Variants in STRBP observed in about 807,000 individuals in gnomAD.
STRBP encodes the protein spermatid perinuclear RNA binding protein, also known as spermatid perinuclear RNA-binding protein.
In STRBP, 13 loss-of-function variants were observed where a neutral mutation model predicts 80.1. The observed-to-expected ratio is 0.16, with a 90% CI of 0.11 to 0.26. The LOEUF (loss-of-function observed/expected upper bound fraction) is 0.26, where lower values mean the gene tolerates loss of function less well. STRBP is among the 10% of genes least tolerant of loss of function. The probability of loss-of-function intolerance (pLI) is 1.00; values close to 1 mark genes in which losing one functional copy is unlikely to be tolerated. For synonymous variants in STRBP, 284 were observed against 291.2 expected (o/e 0.98, Z 0.25); for missense variants, 485 against 815.2 (o/e 0.59, Z 4.93).
In STRBP at chr9:123,115,152, C is replaced by T; in HGVS notation, c.*84+777G>A. 1 of 462,556 alleles carries T rather than the reference C, an allele frequency of 2.2e-6. No individual in the cohort carries two copies. The highest frequency in any genetic ancestry group is 4.5e-6 in the Non-Finnish European group (1 of 221,482). The allele number at this position is 462,556 out of a possible 1,614,324, so 28.7% of individuals were successfully genotyped here. On this transcript the variant is annotated intron_variant and NMD_transcript_variant, in intron 3 of 3. Transcript: ENST00000471564. This position sits in a 1 kb window ranked among gnomAD's most constrained non-coding sequence, Gnocchi z 5.0. ...CCACCTGCCACTTGACTCTGCTCATCCTCTCGGGTCCCACAGCAAGGCCCT... is the reference window on the plus strand; with the variant it reads ...CCACCTGCCACTTGACTCTGCTCATTCTCTCGGGTCCCACAGCAAGGCCCT...
intron 2 of STRBP, among the ~76,000 whole-genome samples, chr9:123,213,212 T>A (rs2039774204): frequency 6.6e-6 from 1 of 152,166 alleles, no homozygotes; most frequent in Non-Finnish European, 1.5e-5. Context: ...CTAATCAGCG[T>A]ACTGAAACTC....
chr9:123,259,713 A>C (rs2041119710), intron 1 of STRBP, among the ~76,000 whole-genome samples: 1 of 151,766 alleles, frequency 6.6e-6, no homozygotes, highest in Admixed American at 6.6e-5. Flanking sequence ...CTGTCTCACA[A>C]AACAACAACA....
chr9:123,230,625 A>T (rs979055099), intron 2 of STRBP, among the ~76,000 whole-genome samples: 1 of 152,138 alleles, frequency 6.6e-6, no homozygotes, highest in African/African-American at 2.4e-5. Context: ...CACCCAATTC[A>T]TTTACCAATC....
downstream of STRBP, among the ~76,000 whole-genome samples, chr9:123,117,442 G>A (rs1025437364): frequency 1.2e-4 from 19 of 152,092 alleles, no homozygotes; most frequent in Admixed American, 1.3e-4. Context: ...AATCCAACAC[G>A]CTCAACAGGG....
chr9:123,239,300 G>A (rs972207509), intron 1 of STRBP, among the ~76,000 whole-genome samples: 6 of 152,116 alleles, frequency 3.9e-5, no homozygotes, highest in East Asian at 1.9e-4. Context: ...GCGTGAACCC[G>A]GGAGGCAGAG....
intron 1 of STRBP, among the ~76,000 whole-genome samples, chr9:123,267,332 C>G (rs2041291028): frequency 6.6e-6 from 1 of 151,838 alleles, no homozygotes; most frequent in East Asian, 1.9e-4. Flanking sequence ...CTTTAAATGC[C>G]CCACACACCT....
intron 3 of STRBP, among the ~76,000 whole-genome samples, chr9:123,181,614 T>C (rs1292073655): frequency 1.3e-5 from 2 of 151,490 alleles, no homozygotes; most frequent in African/African-American, 4.9e-5. Flanking sequence ...CTGACCAACA[T>C]GAAGAAACCT....
chr9:123,248,628 A>G lies in STRBP; in HGVS notation c.-301-11662T>C, dbSNP rs544076859. 1.0e-3 allele frequency among the ~76,000 whole-genome samples: 159 copies of G among 152,278 alleles called. 6 individuals carry two copies. In the South Asian group the frequency reaches 0.032, roughly 31 times the overall value. On this transcript the variant is annotated intron_variant, in intron 1 of 18. Coordinates refer to ENST00000348403, the MANE Select transcript of STRBP (RefSeq NM_018387.5). The stretch of plus-strand genomic sequence containing the variant: ...AAAATACTGGAAACTATACAAACCT[A>G]TAAAAATAGGGTAACAATGTGAGAA...
chr9:123,268,225 G>A (rs1485403559), intron 1 of STRBP, among the ~76,000 whole-genome samples: 1 of 151,364 alleles, frequency 6.6e-6, no homozygotes, highest in Non-Finnish European at 1.5e-5. Flanking sequence ...CACCGCAGCG[G>A]CGGCGGCGGC....
At chr9:123,203,140 G>A (rs2039387200) in intron 2 of STRBP, among the ~76,000 whole-genome samples, 1 of 151,998 alleles carries the variant, frequency 6.6e-6, no homozygotes, top group Non-Finnish European at 1.5e-5. Context: ...GACTGCTTGA[G>A]GCCAGGAGTT....
intron 1 of STRBP, among the ~76,000 whole-genome samples, chr9:123,260,480 G>C (rs540655121): frequency 2.6e-4 from 39 of 152,314 alleles, no homozygotes; most frequent in African/African-American, 9.1e-4. Flanking sequence ...TTATGTTACA[G>C]ATAAGGAACC....
downstream of STRBP, among the ~76,000 whole-genome samples, chr9:123,118,415 C>T (rs1405721729): frequency 2.0e-5 from 3 of 152,236 alleles, no homozygotes; most frequent in Non-Finnish European, 4.4e-5. Context: ...CAAACAGTGG[C>T]TATCTTCACT....
At chr9:123,154,233 T>C (rs2037182404) in intron 11 of STRBP, among the ~76,000 whole-genome samples, 1 of 152,174 alleles carries the variant, frequency 6.6e-6, no homozygotes, top group Non-Finnish European at 1.5e-5. Context: ...TAAACTAGCA[T>C]ATTCATAGTG....
chr9:123,188,671 CA>C (rs1444773260), intron 2 of STRBP, among the ~76,000 whole-genome samples: 5 of 152,040 alleles, frequency 3.3e-5, no homozygotes, highest in African/African-American at 1.2e-4. Context: ...TCAAAACCAA[CA>C]AACAACTATG....
chr9:123,246,433 G>A (rs775320494), intron 1 of STRBP, among the ~76,000 whole-genome samples: 29 of 152,154 alleles, frequency 1.9e-4, no homozygotes, highest in Admixed American at 3.9e-4. Flanking sequence ...ATGTAGAGTC[G>A]CTCACATTTC....
At chr9:123,119,500 C>T (rs138800523), downstream of STRBP, among the ~76,000 whole-genome samples, 52 of 151,682 alleles carry the variant, frequency 3.4e-4, no homozygotes, top group African/African-American at 1.3e-3. Flanking sequence ...TCTGCAGCAA[C>T]GCCACCACAC....
At chr9:123,200,086 G>C (rs1216248626) in intron 2 of STRBP, among the ~76,000 whole-genome samples, 1 of 152,130 alleles carries the variant, frequency 6.6e-6, no homozygotes, top group Non-Finnish European at 1.5e-5. Flanking sequence ...TTATCATAAA[G>C]TGTGCTGGAT....
intron 13 of STRBP, among the ~76,000 whole-genome samples, chr9:123,143,503 C>T (rs1171343000): frequency 1.3e-5 from 2 of 152,238 alleles, no homozygotes; most frequent in Non-Finnish European, 2.9e-5. Flanking sequence ...GATTTTTATT[C>T]AGTTGGACCT....
In STRBP at chr9:123,136,560, A is replaced by C. The variant is rs1385294458; in HGVS notation, c.1498-45T>G. ...TGAAGGTTCAATCAAGTAAGATTTT[A>C]GAATATTACATTTCTTATTAATACA... On this transcript the variant is annotated intron_variant, in intron 14 of 18. Coordinates refer to ENST00000348403, the MANE Select transcript of STRBP (RefSeq NM_018387.5). This position sits in a 1 kb window ranked among gnomAD's most constrained non-coding sequence, Gnocchi z 4.2. 1 of 1,596,818 alleles carries C rather than the reference A, an allele frequency of 6.3e-7. No individual in the cohort carries two copies. The highest frequency in any genetic ancestry group is 1.8e-5 in the Admixed American group (1 of 56,002).
Sources: allele counts gnomAD v4.1 joint callset (sites outside exome capture counted in the v4.1 genomes callset), GRCh38; gene constraint gnomAD v4.1.1; non-coding constraint Gnocchi (gnomAD v3.1); transcripts MANE v1.5; gene names NCBI Gene and HGNC (gene_info 2026-07-23, HGNC 2026-07-21).